The following TKT variants were observed in gnomAD, a reference collection of about 807,000 sequenced individuals.
The protein encoded by TKT is epididymis luminal protein 107.
TKT carries 47 observed loss-of-function variants against 63.9 expected under a neutral mutation model. The observed-to-expected ratio is 0.74, with a 90% CI of 0.58 to 0.94. The LOEUF is 0.94. TKT is among the 40% of genes least tolerant of loss of function. The pLI is 0.00. For synonymous variants in TKT, 338 were observed against 334.1 expected, an observed-to-expected ratio of 1.01 and a Z score of -0.13; for missense variants, 721 against 846.2, an observed-to-expected ratio of 0.85 and a Z score of 1.84.
At position 53,225,579 on chromosome 3, in the gene TKT, C is replaced by G; in HGVS notation, c.*177G>C. 1.3e-6 allele frequency: 1 copy of G among 747,882 alleles called. No homozygotes were observed. The highest frequency in any genetic ancestry group is 3.0e-5 in the East Asian group (1 of 33,518). The allele number at this position is 747,882 out of a possible 1,614,324, so 46.3% of individuals were successfully genotyped here. A position where few individuals can be genotyped will look rare whatever the true frequency, so the allele number is the denominator to read the frequency against. The stretch of plus-strand genomic sequence containing the variant: ...AGGACACCAGCCTCCCTAGCGCACC[C>G]TCCACGCTTCTTCCCCAGAACCTGC... On this transcript the variant is annotated 3_prime_UTR_variant, in exon 14 of 14. Transcript: ENST00000462138.
At chr3:53,248,650 C>CA (rs1705619667) in intron 1 of TKT, among the ~76,000 whole-genome samples, 1 of 149,360 alleles carries the variant, frequency 6.7e-6, no homozygotes, top group African/African-American at 2.5e-5. Flanking sequence ...AAAAAAGGAA[C>CA]AAAGTACTGA....
At chr3:53,226,117 C>A in intron 13 of TKT, 186 bp from the exon 14 acceptor site, 2 of 532,618 alleles carry the variant, frequency 3.8e-6, no homozygotes, top group South Asian at 3.3e-5. Context: ...ACAGGTATCA[C>A]CATGTTGCCC....
intron 1 of TKT, among the ~76,000 whole-genome samples, chr3:53,244,646 C>A (rs781804556): frequency 7.2e-5 from 11 of 152,134 alleles, no homozygotes; most frequent in Non-Finnish European, 1.6e-4. Context: ...TCCTAGCGGG[C>A]CTTTGGGGCC....
At chr3:53,231,982 G>T (rs1481416637) in intron 6 of TKT, 4 of 262,108 alleles carry the variant, frequency 1.5e-5, no homozygotes, top group Middle Eastern at 1.1e-3. Flanking sequence ...ATCAGAAGGG[G>T]AACCCAAGGC....
chr3:53,230,406 C>G (rs912597900), intron 8 of TKT, 51 bp downstream of exon 8: 8 of 1,611,500 alleles, frequency 5.0e-6, no homozygotes, highest in Non-Finnish European at 6.8e-6. Context: ...ACCCCTCAGA[C>G]CACAGCCCTC....
intron 4 of TKT, among the ~76,000 whole-genome samples, chr3:53,236,101 G>C (rs1705018914): frequency 1.3e-5 from 2 of 152,258 alleles, no homozygotes; most frequent in Admixed American, 1.3e-4. Context: ...CATGCAAGTA[G>C]GGTGAGGAGT....
chr3:53,228,538 G>A, intron 10 of TKT, 179 bp from the exon 11 acceptor site: 1 of 646,440 alleles, frequency 1.5e-6, no homozygotes, highest in Non-Finnish European at 2.6e-6. Context: ...TGAACACTCT[G>A]AGAACTGCCC....
At chr3:53,251,565 G>A (rs1705747581) in intron 1 of TKT, among the ~76,000 whole-genome samples, 1 of 152,226 alleles carries the variant, frequency 6.6e-6, no homozygotes, top group Non-Finnish European at 1.5e-5. Context: ...GGCCTGGTGA[G>A]GTTCACTGCA....
chr3:53,246,851 C>CA (rs11305678), intron 1 of TKT, among the ~76,000 whole-genome samples: 96 of 133,698 alleles, frequency 7.2e-4, no homozygotes, highest in East Asian at 2.3e-3. Flanking sequence ...AACTCCGTCT[C>CA]AAAAAAAAAA....
intron 11 of TKT, 54 bp from the exon 12 acceptor site, chr3:53,228,203 C>T: frequency 6.2e-7 from 1 of 1,613,492 alleles, no homozygotes; most frequent in Non-Finnish European, 8.5e-7. Context: ...CAGGGTGTGC[C>T]CTGACTGCTG....
chr3:53,249,723 C>A (rs926446388), intron 1 of TKT, among the ~76,000 whole-genome samples: 1 of 152,148 alleles, frequency 6.6e-6, no homozygotes, highest in Admixed American at 6.5e-5. Context: ...GAGCAACCCC[C>A]ATCTGCAGGT....
chr3:53,242,891 G>A (rs1413426030), intron 1 of TKT, among the ~76,000 whole-genome samples: 3 of 152,136 alleles, frequency 2.0e-5, no homozygotes, highest in South Asian at 2.1e-4. Flanking sequence ...CTGGGCCTTG[G>A]GCTTTCCAAT....
At chr3:53,255,561 C>T (rs1281148116) in intron 1 of TKT, among the ~76,000 whole-genome samples, 1 of 152,184 alleles carries the variant, frequency 6.6e-6, no homozygotes, top group African/African-American at 2.4e-5. Context: ...AGCTGCGCGG[C>T]CGGCGATCCG....
In TKT at chr3:53,229,013, A is replaced by G. The variant is rs782808966; in HGVS notation, c.1389T>C (p.Asn463=). 6.6e-5 allele frequency: 106 copies of G among 1,614,036 alleles called. No homozygotes were observed. The highest frequency in any genetic ancestry group is 8.9e-5 in the Non-Finnish European group (105 of 1,179,978). The part of the protein sequence containing the change: ...ATEKAVELAA[N]TKGICFIRTS... ...GAACAGCCATGCAACCTACCTTTGT[A>G]TTGGCGGCTAGTTCCACTGCCTTCT... Residue 463 remains asparagine, a synonymous_variant, in exon 10 of 14, where the codon AAT becomes AAC. Coordinates refer to ENST00000462138, the MANE Select transcript of TKT (RefSeq NM_001064.4).
chr3:53,249,092 G>A (rs781877920), intron 1 of TKT, among the ~76,000 whole-genome samples: 4 of 151,756 alleles, frequency 2.6e-5, no homozygotes, highest in Non-Finnish European at 4.4e-5. Context: ...TCAGCCTCCC[G>A]AGTAGCTGGG....
At position 53,230,496 on chromosome 3, in the gene TKT, C is replaced by T. The variant is rs782662123; in HGVS notation, c.1068G>A (p.Pro356=). Residue 356 remains proline, a synonymous_variant, in exon 8 of 14, where the codon CCG becomes CCA. Transcript: ENST00000462138. The stretch of plus-strand genomic sequence containing the variant: ...CAATGTAGCACTCGATGAAGCGGTC[C>T]GGGTGCTCCTTTTTGAAGATCTCCG... ...TFSEIFKKEH[P]DRFIECYIAE... The T allele has an allele frequency of 1.6e-5, 26 of 1,614,196 alleles. No individual in the cohort carries two copies. Among genetic ancestry groups the T allele is most frequent in the Non-Finnish European group, 2.1e-5 (25 of 1,180,034 alleles).
At chr3:53,240,370 G>A (rs368537518) in intron 3 of TKT, 22 bp from the exon 4 acceptor site, 92 of 1,601,252 alleles carry the variant, frequency 5.7e-5, no homozygotes, top group East Asian at 3.8e-4. Flanking sequence ...GAAGGCCACC[G>A]TTAATCTGAG....
Position 53,240,272 on chromosome 3 carries a change from C to T in TKT, c.416G>A (p.Gly139Asp). Residue 139 changes from glycine (G) to aspartate (D), a missense_variant, in exon 4 of 14, where the codon GGC (glycine) becomes GAC (aspartate). By Grantham distance (94) the Gly-to-Asp change is moderately conservative (BLOSUM62 -1). Transcript: ENST00000462138. ...LGAACGMAYT[G>D]KYFDKASYRV... is the part of the protein sequence containing the mutation. ...TTACCTGGCCTTGTCGAAGTATTTG[C>T]CGGTGTAGGCCATCCCACAAGCGGC... is the stretch of plus-strand genomic sequence containing the variant. The T allele has an allele frequency of 6.2e-7, 1 of 1,612,964 alleles. No individual in the cohort carries two copies. The highest frequency in any genetic ancestry group is 1.1e-5 in the South Asian group (1 of 90,988).
chr3:53,246,860 A>G (rs1553680990), intron 1 of TKT, among the ~76,000 whole-genome samples: 1 of 151,914 alleles, frequency 6.6e-6, no homozygotes, highest in Non-Finnish European at 1.5e-5. Flanking sequence ...TCAAAAAAAA[A>G]AAAAAGGAAA....
Sources: gnomAD v4.1 joint callset for allele counts (sites outside exome capture counted in the v4.1 genomes callset) on GRCh38, gnomAD v4.1.1 for gene constraint, MANE v1.5 for transcripts, NCBI Gene and HGNC (gene_info 2026-07-23, HGNC 2026-07-21) for gene names.